Variants in VAV3 observed in about 807,000 individuals in gnomAD.
The protein encoded by VAV3 is guanine nucleotide exchange factor VAV3.
A neutral mutation model predicts 131.2 loss-of-function variants in VAV3; 94 were observed. The ratio of observed to expected loss-of-function variants is 0.72; its 90% CI spans 0.61 to 0.85. The LOEUF is 0.85. Among genes scored for constraint, VAV3 ranks in the 40% least tolerant of loss-of-function variants. The pLI is 0.00. For synonymous variants in VAV3, 349 were observed against 342.0 expected (o/e 1.02, Z -0.22); for missense variants, 939 against 1,002.7 (o/e 0.94, Z 0.86).
At chr1:107,744,594 A>C (rs942917244) in intron 15 of VAV3, among the ~76,000 whole-genome samples, 2 of 152,138 alleles carry the variant, frequency 1.3e-5, no homozygotes, top group Admixed American at 6.5e-5. Flanking sequence ...TTTTTTAAAA[A>C]AACAAACAAA....
At chr1:107,666,218 A>T (rs2101648494) in intron 19 of VAV3, among the ~76,000 whole-genome samples, 1 of 152,342 alleles carries the variant, frequency 6.6e-6, no homozygotes, top group South Asian at 2.1e-4. Flanking sequence ...GTCAAGAGTA[A>T]AATAATGTCC....
chr1:107,811,677 C>A (rs17020112), intron 2 of VAV3, among the ~76,000 whole-genome samples: 23,016 of 152,006 alleles, frequency 0.15, 2,019 homozygotes, highest in East Asian at 0.29. Flanking sequence ...TTATATAGCA[C>A]CATAATAAAC....
At chr1:107,916,909 G>C (rs942768686) in intron 1 of VAV3, among the ~76,000 whole-genome samples, 1 of 152,202 alleles carries the variant, frequency 6.6e-6, no homozygotes, top group Admixed American at 6.5e-5. Flanking sequence ...TAGACACAAA[G>C]GAGAGGGGAG....
intron 1 of VAV3, among the ~76,000 whole-genome samples, chr1:107,889,892 A>G (rs1388968033): frequency 6.6e-6 from 1 of 152,186 alleles, no homozygotes; most frequent in Non-Finnish European, 1.5e-5. Context: ...ATTGAAATCG[A>G]TTTCACTGTG....
Position 107,681,911 on chromosome 1 carries a change from T to C in VAV3, c.1777+1577A>G, listed in dbSNP as rs184316293. ...TCCTGACCTCGTGATCCGCCGGCCTTGACCTCCCAAAGTGCTGGGATTACA... is the reference window on the plus strand; with the variant it reads ...TCCTGACCTCGTGATCCGCCGGCCTCGACCTCCCAAAGTGCTGGGATTACA... On this transcript the variant is annotated intron_variant, in intron 19 of 26. Transcript: ENST00000370056. 2.0e-3 allele frequency among the ~76,000 whole-genome samples: 310 copies of C among 152,192 alleles called. 1 individual carries two copies. The highest frequency in any genetic ancestry group is 5.4e-3 in the African/African-American group (226 of 41,558).
chr1:107,845,775 A>G (rs1328014028), intron 2 of VAV3, among the ~76,000 whole-genome samples: 3 of 152,190 alleles, frequency 2.0e-5, no homozygotes, highest in Admixed American at 6.5e-5. Flanking sequence ...GAACAAACAA[A>G]GACTCCAACA....
rs192013427 is a variant in VAV3 at position 107,842,422 on chromosome 1, T to C, written c.321+32479A>G. Among the ~76,000 whole-genome samples, 661 of 152,322 alleles carry C rather than the reference T, an allele frequency of 4.3e-3. 4 individuals carry two copies. Among genetic ancestry groups the C allele is most frequent in the African/African-American group, 0.015 (627 of 41,576 alleles). The stretch of plus-strand genomic sequence containing the variant: ...TGATTTTTAGTACCTCTGAATCATT[T>C]TGTTTCAGGTGTGTCTCTTATAAAC... On this transcript the variant is annotated intron_variant, in intron 2 of 26. Transcript: ENST00000370056.
chr1:107,917,912 A>G (rs527326392), intron 1 of VAV3, among the ~76,000 whole-genome samples: 8 of 152,306 alleles, frequency 5.3e-5, no homozygotes, highest in Non-Finnish European at 1.0e-4. Context: ...TTTTCAGATG[A>G]GGAATGCTCA....
At chr1:107,654,906 CAAT>C (rs760426151) in intron 19 of VAV3, among the ~76,000 whole-genome samples, 2 of 151,422 alleles carry the variant, frequency 1.3e-5, no homozygotes, top group Non-Finnish European at 2.9e-5. Context: ...AAATATACAA[CAAT>C]AAAAATGTAA....
chr1:107,767,720 G>A (rs1664812631), intron 7 of VAV3, among the ~76,000 whole-genome samples: 1 of 152,124 alleles, frequency 6.6e-6, no homozygotes, highest in Non-Finnish European at 1.5e-5. Flanking sequence ...CGTGCATGGG[G>A]GTGGGGATGT....
At chr1:107,776,425 A>T (rs1349199913) in intron 4 of VAV3, among the ~76,000 whole-genome samples, 2 of 152,320 alleles carry the variant, frequency 1.3e-5, no homozygotes, top group African/African-American at 2.4e-5. Context: ...TGGCAATTTT[A>T]GACAGGATAG....
At chr1:107,856,634 C>A (rs763639351) in intron 2 of VAV3, among the ~76,000 whole-genome samples, 2 of 152,082 alleles carry the variant, frequency 1.3e-5, no homozygotes, top group Non-Finnish European at 2.9e-5. Flanking sequence ...AAGTTTAATT[C>A]TCTTGTTTAG....
At chr1:107,617,702 T>A in intron 20 of VAV3, 70 bp from the exon 21 acceptor site, 1 of 1,330,722 alleles carries the variant, frequency 7.5e-7, no homozygotes, top group Non-Finnish European at 1.1e-6. Context: ...TGATGCCCCA[T>A]ACATAGCACT....
intron 1 of VAV3, among the ~76,000 whole-genome samples, chr1:107,954,595 G>T (rs1019836686): frequency 6.7e-6 from 1 of 149,250 alleles, no homozygotes; most frequent in Admixed American, 6.7e-5. Context: ...GAGTGCAGTG[G>T]CATGATCTTG....
intron 15 of VAV3, among the ~76,000 whole-genome samples, chr1:107,717,363 T>C (rs918319508): frequency 2.0e-5 from 3 of 152,212 alleles, no homozygotes; most frequent in Non-Finnish European, 2.9e-5. Flanking sequence ...CTGCTTTCTC[T>C]TGTGAGCATT....
At position 107,760,893 on chromosome 1, in the gene VAV3, T is replaced by G. The variant is rs1372724233; in HGVS notation, c.922-14A>C. On this transcript the variant is annotated splice_polypyrimidine_tract_variant and intron_variant, in intron 9 of 26. Coordinates refer to ENST00000370056, the MANE Select transcript of VAV3 (RefSeq NM_006113.5). The stretch of plus-strand genomic sequence containing the variant: ...TTTGGAACATTCCTAATGAAATGTT[T>G]TAAAAACACTTTGTTAGGGAGTCAT... The G allele has an allele frequency of 6.3e-7, 1 of 1,593,482 alleles. No individual in the cohort carries two copies. Among genetic ancestry groups the G allele is most frequent in the Non-Finnish European group, 8.6e-7 (1 of 1,162,272 alleles).
At chr1:107,610,604 G>A (rs942216898) in intron 21 of VAV3, among the ~76,000 whole-genome samples, 1 of 152,050 alleles carries the variant, frequency 6.6e-6, no homozygotes, top group East Asian at 1.9e-4. Context: ...TCAGAAAAAA[G>A]GCATGGAAAA....
chr1:107,704,467 T>A, intron 17 of VAV3, 83 bp downstream of exon 17: 1 of 1,003,018 alleles, frequency 1.0e-6, no homozygotes, highest in South Asian at 1.4e-5. Context: ...AAACACATAT[T>A]CAGAGTAAAT....
At chr1:107,761,521 T>C (rs763417682) in intron 9 of VAV3, among the ~76,000 whole-genome samples, 1 of 152,192 alleles carries the variant, frequency 6.6e-6, no homozygotes, top group Non-Finnish European at 1.5e-5. Context: ...AGTGGACTTA[T>C]AGAACAGGCA....
Sources: gnomAD v4.1 joint callset for allele counts (sites outside exome capture counted in the v4.1 genomes callset) on GRCh38, gnomAD v4.1.1 for gene constraint, MANE v1.5 for transcripts, NCBI Gene and HGNC (gene_info 2026-07-23, HGNC 2026-07-21) for gene names.